RBFOX1: variants seen among roughly 807,000 people sequenced by gnomAD.
The protein encoded by RBFOX1 is RNA binding protein fox-1 homolog 1.
A neutral mutation model predicts 57.7 loss-of-function variants in RBFOX1; 8 were observed. That is an observed-to-expected ratio of 0.14 (90% CI 0.08 to 0.25). The LOEUF (loss-of-function observed/expected upper bound fraction) is 0.25, where lower values mean the gene tolerates loss of function less well. Among genes scored for constraint, RBFOX1 ranks in the 10% least tolerant of loss-of-function variants. The pLI, the probability that RBFOX1 is intolerant of heterozygous loss-of-function variation, is 1.00. For synonymous variants in RBFOX1, 326 were observed against 222.4 expected, an observed-to-expected ratio of 1.47 and a Z score of -4.15; for missense variants, 611 against 548.5, an observed-to-expected ratio of 1.11 and a Z score of -1.14.
chr16:7,024,915 A>T (rs2040435847), intron 3 of RBFOX1, among the ~76,000 whole-genome samples: 1 of 152,080 alleles, frequency 6.6e-6, no homozygotes, highest in Non-Finnish European at 1.5e-5. Flanking sequence ...TCCTCACTTT[A>T]TAGAGGAGGA....
rs554611883 is a variant in RBFOX1 at position 6,009,664 on chromosome 16, C to T, written c.351+142329C>T. ...GAAGGGAAATATCCATGCACAAAGC[C>T]CTCAGATCTTAAAATCACGTTAAAT... On this transcript the variant is annotated intron_variant, in intron 4 of 19. Coordinates refer to the RBFOX1 transcript ENST00000641259. 1.4e-3 allele frequency among the ~76,000 whole-genome samples: 215 copies of T among 152,162 alleles called. 1 individual carries two copies. The highest frequency in any genetic ancestry group is 2.1e-3 in the Non-Finnish European group (140 of 68,020).
At chr16:7,428,999 C>G (rs982668670) in intron 4 of RBFOX1, among the ~76,000 whole-genome samples, 3 of 152,118 alleles carry the variant, frequency 2.0e-5, no homozygotes, top group Admixed American at 6.5e-5. Context: ...AGGAGGATTT[C>G]TATTGTTGTC....
At chr16:5,896,084 C>T (rs1012673651) in intron 4 of RBFOX1, among the ~76,000 whole-genome samples, 5 of 151,982 alleles carry the variant, frequency 3.3e-5, no homozygotes, top group African/African-American at 1.2e-4. Context: ...TGGGGAAGTG[C>T]CGTCAGGAGA....
intron 3 of RBFOX1, among the ~76,000 whole-genome samples, chr16:6,785,742 C>T (rs1192636397): frequency 6.6e-6 from 1 of 152,172 alleles, no homozygotes; most frequent in East Asian, 1.9e-4. Context: ...ATACCAATTC[C>T]ACTATTGTTA....
At chr16:7,198,586 G>C (rs994724393) in intron 4 of RBFOX1, among the ~76,000 whole-genome samples, 6 of 152,134 alleles carry the variant, frequency 3.9e-5, no homozygotes, top group African/African-American at 1.4e-4. Flanking sequence ...TTGGAGGCTG[G>C]AAAGTCCAAG....
chr16:7,425,600 C>T (rs77603744), intron 4 of RBFOX1, among the ~76,000 whole-genome samples: 5,606 of 152,240 alleles, frequency 0.037, 379 homozygotes, highest in African/African-American at 0.13. Context: ...TTTCCTCTTG[C>T]TCATTCTGTT....
intron 3 of RBFOX1, among the ~76,000 whole-genome samples, chr16:6,731,244 G>T (rs1352958606): frequency 3.9e-5 from 6 of 152,150 alleles, no homozygotes; most frequent in Non-Finnish European, 5.9e-5. Flanking sequence ...AGGCTAATGG[G>T]AAATGGTAAG....
At chr16:5,740,752 C>T (rs199918241) in intron 3 of RBFOX1, among the ~76,000 whole-genome samples, 3 of 152,142 alleles carry the variant, frequency 2.0e-5, no homozygotes, top group East Asian at 3.9e-4. Context: ...GTACTCTAAT[C>T]CACATGCTTT....
chr16:7,017,798 G>C (rs2093989536), intron 3 of RBFOX1, among the ~76,000 whole-genome samples: 1 of 152,096 alleles, frequency 6.6e-6, no homozygotes, highest in Non-Finnish European at 1.5e-5. Context: ...AGAACATCGT[G>C]GTGTGCTTAA....
intron 2 of RBFOX1, among the ~76,000 whole-genome samples, chr16:6,519,479 T>C (rs1170499783): frequency 1.3e-5 from 2 of 152,054 alleles, no homozygotes; most frequent in Admixed American, 1.3e-4. Context: ...CTCAGGAAGA[T>C]CACCTGAGGT....
intron 2 of RBFOX1, among the ~76,000 whole-genome samples, chr16:6,324,878 G>T (rs1457982635): frequency 6.6e-6 from 1 of 152,170 alleles, no homozygotes; most frequent in Non-Finnish European, 1.5e-5. Flanking sequence ...ACCAGAAGCA[G>T]TCAGTCCCTC....
chr16:6,575,070 C>G (rs1449205548), intron 2 of RBFOX1, among the ~76,000 whole-genome samples: 1 of 149,820 alleles, frequency 6.7e-6, no homozygotes, highest in Non-Finnish European at 1.5e-5. Flanking sequence ...AAACAGCATC[C>G]AGGAATGCTA....
intron 4 of RBFOX1, among the ~76,000 whole-genome samples, chr16:5,934,443 C>T (rs113002440): frequency 0.013 from 2,009 of 152,232 alleles, 20 homozygotes; most frequent in Non-Finnish European, 0.019. Flanking sequence ...AAAACTGAGT[C>T]CACTTAAAGA....
chr16:6,459,425 T>C (rs954512777), intron 2 of RBFOX1, among the ~76,000 whole-genome samples: 1 of 152,224 alleles, frequency 6.6e-6, no homozygotes, highest in African/African-American at 2.4e-5. Flanking sequence ...ATCCCCTCAG[T>C]ATGAATTTAG....
chr16:6,808,240 T>TTA (rs2087443209), intron 3 of RBFOX1, among the ~76,000 whole-genome samples: 5 of 151,350 alleles, frequency 3.3e-5, no homozygotes, highest in Admixed American at 3.3e-4. Context: ...CATGTAGCCT[T>TTA]TATATTCTAC....
At chr16:6,244,377 G>C (rs1254638170) in intron 1 of RBFOX1, among the ~76,000 whole-genome samples, 1 of 152,160 alleles carries the variant, frequency 6.6e-6, no homozygotes, top group Non-Finnish European at 1.5e-5. Context: ...GTTCCAGGGA[G>C]ATCAGAGAGT....
At chr16:7,019,797 C>G (rs563813616) in intron 3 of RBFOX1, among the ~76,000 whole-genome samples, 28 of 152,298 alleles carry the variant, frequency 1.8e-4, no homozygotes, top group Admixed American at 1.2e-3. Flanking sequence ...TACCCACGCC[C>G]CAATTCCCAT....
At chr16:7,082,567 A>G (rs1237255773) in intron 4 of RBFOX1, among the ~76,000 whole-genome samples, 3 of 152,098 alleles carry the variant, frequency 2.0e-5, no homozygotes, top group East Asian at 1.9e-4. Context: ...GTCTCAAAAA[A>G]AAAAAAATAA....
intron 1 of RBFOX1, among the ~76,000 whole-genome samples, chr16:5,282,688 G>A (rs775117576): frequency 1.3e-5 from 2 of 152,216 alleles, no homozygotes; most frequent in South Asian, 2.1e-4. Context: ...GTATCTGGTA[G>A]AAGAGATTTC....
Sources: gnomAD v4.1 joint callset for allele counts (sites outside exome capture counted in the v4.1 genomes callset) on GRCh38, gnomAD v4.1.1 for gene constraint, MANE v1.5 for transcripts, NCBI Gene and HGNC (gene_info 2026-07-23, HGNC 2026-07-21) for gene names.